ZMAT4: variants seen among roughly 807,000 people sequenced by gnomAD.
ZMAT4 encodes the protein zinc finger matrin-type 4, also known as zinc finger matrin-type protein 4.
A neutral mutation model predicts 28.7 loss-of-function variants in ZMAT4; 17 were observed. That is an observed-to-expected ratio of 0.59 (90% CI 0.41 to 0.89). The LOEUF (loss-of-function observed/expected upper bound fraction) is 0.89. Ranked by LOEUF, ZMAT4 falls within the 40% of genes least tolerant of loss-of-function variation. The probability of loss-of-function intolerance (pLI) is 0.00; values close to 1 mark genes in which losing one functional copy is unlikely to be tolerated. For synonymous variants in ZMAT4, 117 were observed against 109.2 expected (o/e 1.07, Z -0.44); for missense variants, 240 against 283.8 (o/e 0.85, Z 1.11).
At chr8:40,729,717 G>A (rs1195666992) in intron 3 of ZMAT4, among the ~76,000 whole-genome samples, 3 of 151,520 alleles carry the variant, frequency 2.0e-5, no homozygotes, top group Non-Finnish European at 4.4e-5. Flanking sequence ...TCCTGCCTCA[G>A]CCTCCTGAGT....
intron 5 of ZMAT4, among the ~76,000 whole-genome samples, chr8:40,603,410 C>A (rs1417730401): frequency 2.0e-5 from 3 of 151,976 alleles, no homozygotes; most frequent in Non-Finnish European, 4.4e-5. Flanking sequence ...TATGCGGACT[C>A]TTTTTTTGGT....
chr8:40,628,164 A>G (rs1806443512), intron 5 of ZMAT4, among the ~76,000 whole-genome samples: 1 of 152,300 alleles, frequency 6.6e-6, no homozygotes, highest in African/African-American at 2.4e-5. Flanking sequence ...AGTCTGCCTG[A>G]GAGGGTATAA....
chr8:40,823,484 C>T (rs1815904495), intron 2 of ZMAT4, among the ~76,000 whole-genome samples: 1 of 152,096 alleles, frequency 6.6e-6, no homozygotes, highest in Admixed American at 6.5e-5. Context: ...CGGTAAAACC[C>T]TGTCTCTACT....
At chr8:40,884,265 C>G (rs1818380627) in intron 1 of ZMAT4, among the ~76,000 whole-genome samples, 2 of 151,862 alleles carry the variant, frequency 1.3e-5, no homozygotes, top group African/African-American at 4.8e-5. Context: ...GGCCTCACTC[C>G]CTCACCCACT....
intron 6 of ZMAT4, among the ~76,000 whole-genome samples, chr8:40,567,099 C>T (rs996713226): frequency 6.6e-6 from 1 of 152,088 alleles, no homozygotes; most frequent in African/African-American, 2.4e-5. Context: ...AGAGAAAAGA[C>T]AGATATATCT....
intron 3 of ZMAT4, among the ~76,000 whole-genome samples, chr8:40,715,047 C>CGAAAAAAAA (rs1810788396): frequency 1.4e-5 from 1 of 73,364 alleles, no homozygotes; most frequent in East Asian, 4.3e-4. Flanking sequence ...GACTCTGTCT[C>CGAAAAAAAA]AAAAAAAAAA....
chr8:40,571,219 T>C (rs1327660123), intron 6 of ZMAT4, among the ~76,000 whole-genome samples: 3 of 152,198 alleles, frequency 2.0e-5, no homozygotes, highest in Non-Finnish European at 4.4e-5. Context: ...TCTTTTCAAG[T>C]CGGCAAAACA....
At chr8:40,855,679 CTTT>C (rs34420719) in intron 1 of ZMAT4, among the ~76,000 whole-genome samples, 24 of 139,862 alleles carry the variant, frequency 1.7e-4, no homozygotes, top group African/African-American at 2.9e-4. Context: ...TTCACCAAAA[CTTT>C]TTTTTTTTTT....
chr8:40,857,606 C>G (rs1227393501), intron 1 of ZMAT4, among the ~76,000 whole-genome samples: 3 of 152,192 alleles, frequency 2.0e-5, no homozygotes, highest in African/African-American at 7.2e-5. Flanking sequence ...CTTTGGAAAA[C>G]TGTTTAGAAA....
intron 2 of ZMAT4, among the ~76,000 whole-genome samples, chr8:40,771,207 A>T (rs976833971): frequency 4.0e-5 from 6 of 150,986 alleles, no homozygotes; most frequent in African/African-American, 1.5e-4. Flanking sequence ...AATGTATATT[A>T]TATATATACA....
chr8:40,895,842 C>T (rs956124953), intron 1 of ZMAT4, among the ~76,000 whole-genome samples: 7 of 152,230 alleles, frequency 4.6e-5, no homozygotes, highest in Non-Finnish European at 8.8e-5. Context: ...AGATCCCCCA[C>T]GTGCTGGGGG....
intron 5 of ZMAT4, among the ~76,000 whole-genome samples, chr8:40,600,980 C>T (rs1281540688): frequency 6.6e-6 from 1 of 152,168 alleles, no homozygotes; most frequent in South Asian, 2.1e-4. Flanking sequence ...AGGCATATGT[C>T]ATAGACTGAT....
chr8:40,535,921 G>A (rs1306549082), intron 6 of ZMAT4, among the ~76,000 whole-genome samples: 1 of 152,128 alleles, frequency 6.6e-6, no homozygotes, highest in African/African-American at 2.4e-5. Context: ...CAAGGAAAAG[G>A]CAGTCATGGG....
chr8:40,534,677 C>CTTTTTTTT (rs34915339), intron 6 of ZMAT4, among the ~76,000 whole-genome samples: 1 of 87,358 alleles, frequency 1.1e-5, no homozygotes. Context: ...CATTTGCTAC[C>CTTTTTTTT]TTTTTTTTTT....
intron 5 of ZMAT4, among the ~76,000 whole-genome samples, chr8:40,631,189 A>G (rs917575105): frequency 3.0e-5 from 3 of 98,908 alleles, no homozygotes; most frequent in Admixed American, 9.7e-5. Context: ...TTGTTTGTTT[A>G]TTTGACAGAG....
chr8:40,605,915 C>T (rs1482857024), intron 5 of ZMAT4, among the ~76,000 whole-genome samples: 1 of 152,158 alleles, frequency 6.6e-6, no homozygotes, highest in Non-Finnish European at 1.5e-5. Context: ...GTACTTTTAT[C>T]ATTATACAAT....
intron 1 of ZMAT4, among the ~76,000 whole-genome samples, chr8:40,846,608 A>G (rs561116110): frequency 5.2e-4 from 78 of 151,420 alleles, no homozygotes; most frequent in African/African-American, 1.8e-3. Context: ...GTTCCACCTC[A>G]CTCCCCCTTG....
chr8:40,760,741 G>GCTCT (rs1220675755), intron 3 of ZMAT4, among the ~76,000 whole-genome samples: 6 of 93,726 alleles, frequency 6.4e-5, no homozygotes, highest in Admixed American at 5.8e-4. Flanking sequence ...TCTCTGTCAT[G>GCTCT]CTCTCTCTCT....
intron 3 of ZMAT4, among the ~76,000 whole-genome samples, chr8:40,707,525 T>G (rs1810414252): frequency 6.6e-6 from 1 of 152,028 alleles, no homozygotes; most frequent in African/African-American, 2.4e-5. Context: ...AAGAATGCAT[T>G]GTATGGAAAC....
Sources: gnomAD v4.1 joint callset for allele counts (sites outside exome capture counted in the v4.1 genomes callset) on GRCh38, gnomAD v4.1.1 for gene constraint, MANE v1.5 for transcripts, NCBI Gene and HGNC (gene_info 2026-07-23, HGNC 2026-07-21) for gene names.